SPATS2L: variants seen among roughly 807,000 people sequenced by gnomAD.
SPATS2L encodes the protein SPATS2-like protein.
SPATS2L carries 30 observed loss-of-function variants against 59.6 expected under a neutral mutation model. That is an observed-to-expected ratio of 0.50 (90% CI 0.38 to 0.68). The LOEUF (loss-of-function observed/expected upper bound fraction) is 0.68. SPATS2L is among the 30% of genes least tolerant of loss of function. The pLI is 0.00. For missense variants in SPATS2L, 615 were observed against 700.0 expected (o/e 0.88, Z 1.37); for synonymous variants, 252 against 263.5 (o/e 0.96, Z 0.42).
chr2:200,370,842 G>A (rs1160014994), intron 2 of SPATS2L, among the ~76,000 whole-genome samples: 1 of 152,146 alleles, frequency 6.6e-6, no homozygotes, highest in East Asian at 1.9e-4. Flanking sequence ...TTCAATTTGT[G>A]AATGACCAAA....
chr2:200,438,779 A>C (rs1329127931), intron 6 of SPATS2L, among the ~76,000 whole-genome samples: 1 of 152,158 alleles, frequency 6.6e-6, no homozygotes, highest in Non-Finnish European at 1.5e-5. Flanking sequence ...CTTTACTGGA[A>C]TAGCAGGGGG....
intron 6 of SPATS2L, among the ~76,000 whole-genome samples, chr2:200,420,213 G>C (rs1330793456): frequency 6.6e-6 from 1 of 150,640 alleles, no homozygotes; most frequent in Non-Finnish European, 1.5e-5. Context: ...TGAAAAATAA[G>C]GAAACTGCAT....
intron 2 of SPATS2L, among the ~76,000 whole-genome samples, chr2:200,348,495 G>T (rs915058861): frequency 1.3e-5 from 2 of 152,192 alleles, no homozygotes; most frequent in Non-Finnish European, 2.9e-5. Context: ...AAAGCCACGG[G>T]ACACGTCATT....
At chr2:200,446,915 A>AT (rs944007291) in intron 8 of SPATS2L, among the ~76,000 whole-genome samples, 2 of 152,218 alleles carry the variant, frequency 1.3e-5, no homozygotes, top group African/African-American at 4.8e-5. Flanking sequence ...GTCAAATTAC[A>AT]TTTTTGTCTC....
At chr2:200,422,270 C>T (rs1012536420) in intron 6 of SPATS2L, among the ~76,000 whole-genome samples, 1 of 152,216 alleles carries the variant, frequency 6.6e-6, no homozygotes, top group Non-Finnish European at 1.5e-5. Context: ...GGCTTGGTGA[C>T]TCACACTTGT....
intron 3 of SPATS2L, chr2:200,390,948 G>A (rs1285254814): frequency 2.0e-5 from 3 of 151,572 alleles, no homozygotes; most frequent in African/African-American, 7.3e-5. Context: ...GATCGCCTGA[G>A]GTCGGGAGTT....
At chr2:200,330,468 A>G (rs1056319452) in intron 2 of SPATS2L, among the ~76,000 whole-genome samples, 10 of 152,222 alleles carry the variant, frequency 6.6e-5, no homozygotes. Context: ...TTGAATCACA[A>G]TGAAAGCACT....
At chr2:200,472,768 A>C in intron 11 of SPATS2L, 64 bp from the exon 12 acceptor site, 1 of 1,408,930 alleles carries the variant, frequency 7.1e-7, no homozygotes, top group Non-Finnish European at 1.0e-6. Flanking sequence ...GCGCTTCCTA[A>C]TGGGTTACTG....
intron 2 of SPATS2L, chr2:200,351,228 A>G (rs913293335): frequency 6.4e-6 from 3 of 471,138 alleles, no homozygotes; most frequent in Non-Finnish European, 1.3e-5. Flanking sequence ...GGGAGTGCCA[A>G]ACATCTCAGT....
chr2:200,473,957 A>G (rs1457414568), intron 12 of SPATS2L, among the ~76,000 whole-genome samples: 13 of 152,148 alleles, frequency 8.5e-5, no homozygotes. Flanking sequence ...CCAAGATCGC[A>G]CCACTGCCCT....
At chr2:200,358,053 C>T (rs1482776687) in intron 2 of SPATS2L, among the ~76,000 whole-genome samples, 1 of 152,074 alleles carries the variant, frequency 6.6e-6, no homozygotes, top group Non-Finnish European at 1.5e-5. Context: ...CTGAAATTTT[C>T]GTGAACCAAC....
chr2:200,408,985 T>C (rs1017114073), intron 3 of SPATS2L, among the ~76,000 whole-genome samples: 1 of 152,260 alleles, frequency 6.6e-6, no homozygotes, highest in African/African-American at 2.4e-5. Flanking sequence ...AACCGCTAAC[T>C]AGCCATCTTG....
chr2:200,419,138 A>G lies in SPATS2L; in HGVS notation c.199-112A>G, dbSNP rs931178577. ...GTAAATATTCTTCATCCAGTCTATAAGAAGAGCCAGGAACCAAAAAAGATA... is the reference window on the plus strand; with the variant it reads ...GTAAATATTCTTCATCCAGTCTATAGGAAGAGCCAGGAACCAAAAAAGATA... On this transcript the variant is annotated intron_variant, in intron 5 of 12. Coordinates refer to ENST00000409140, the MANE Select transcript of SPATS2L (RefSeq NM_001100423.2). 12 of 1,025,640 alleles carry G rather than the reference A, an allele frequency of 1.2e-5. No homozygotes were observed. The Admixed American group carries it at 2.9e-4, about 25-fold the overall frequency. The allele number at this position is 1,025,640 out of a possible 1,614,324, so 63.5% of individuals were successfully genotyped here.
intron 2 of SPATS2L, among the ~76,000 whole-genome samples, chr2:200,367,892 A>G (rs1478246961): frequency 6.6e-6 from 1 of 152,234 alleles, no homozygotes. Flanking sequence ...TGTAGTTTAT[A>G]AACAATGTAG....
chr2:200,398,064 A>C (rs1298131336), intron 3 of SPATS2L, among the ~76,000 whole-genome samples: 1 of 152,136 alleles, frequency 6.6e-6, no homozygotes, highest in East Asian at 1.9e-4. Flanking sequence ...GCTGATGAGG[A>C]GTGTTTAGGC....
Position 200,439,102 on chromosome 2 carries a change from T to C in SPATS2L, c.446-20T>C, listed in dbSNP as rs749724865. Reference sequence around the variant, plus strand: ...TTTTAGTTTATCACTTCACAGTCATTATTTGGTGTTTTCTTACAGAAGGCA... The same window carrying C: ...TTTTAGTTTATCACTTCACAGTCATCATTTGGTGTTTTCTTACAGAAGGCA... On this transcript the variant is annotated intron_variant, in intron 6 of 12. Coordinates refer to ENST00000409140, the MANE Select transcript of SPATS2L (RefSeq NM_001100423.2). The C allele has an allele frequency of 1.3e-6, 2 of 1,599,182 alleles. No individual in the cohort carries two copies. Among genetic ancestry groups the C allele is most frequent in the Non-Finnish European group, 1.7e-6 (2 of 1,166,836 alleles).
chr2:200,416,807 A>T (rs562691149), intron 5 of SPATS2L, among the ~76,000 whole-genome samples: 1 of 152,292 alleles, frequency 6.6e-6, no homozygotes, highest in East Asian at 1.9e-4. Context: ...ACTTCTAAAT[A>T]TATTTTCACA....
intron 2 of SPATS2L, among the ~76,000 whole-genome samples, chr2:200,388,505 G>A (rs1022847000): frequency 6.6e-6 from 1 of 151,950 alleles, no homozygotes; most frequent in Non-Finnish European, 1.5e-5. Context: ...TGAGGAGATG[G>A]AGGCTGCAGT....
chr2:200,309,144 G>A (rs2079118303), intron 1 of SPATS2L: 1 of 717,324 alleles, frequency 1.4e-6, no homozygotes. Flanking sequence ...TCTCACTTTG[G>A]GGCCTAATTT....
Sources: gnomAD v4.1 joint callset for allele counts (sites outside exome capture counted in the v4.1 genomes callset) on GRCh38, gnomAD v4.1.1 for gene constraint, MANE v1.5 for transcripts, NCBI Gene and HGNC (gene_info 2026-07-23, HGNC 2026-07-21) for gene names.